The following MTAP variants were observed in gnomAD, a reference collection of about 807,000 sequenced individuals.
MTAP encodes S-methyl-5'-thioadenosine phosphorylase.
In MTAP, 33 loss-of-function variants were observed where a neutral mutation model predicts 33.6. The observed-to-expected ratio is 0.98, with a 90% CI of 0.74 to 1.31. The LOEUF (loss-of-function observed/expected upper bound fraction) is 1.31, where lower values mean the gene tolerates loss of function less well. Ranked by LOEUF, MTAP falls within the 40% of genes most tolerant of loss-of-function variation. MTAP has a pLI of 0.00. For missense variants in MTAP, 367 were observed against 360.0 expected, an observed-to-expected ratio of 1.02 and a Z score of -0.16; for synonymous variants, 148 against 125.7, an observed-to-expected ratio of 1.18 and a Z score of -1.19.
At chr9:21,887,832 G>A (rs1200265524) in intron 1 of MTAP, among the ~76,000 whole-genome samples, 5 of 152,138 alleles carry the variant, frequency 3.3e-5, no homozygotes, top group Admixed American at 3.3e-4. Context: ...TTTCCTTGTA[G>A]AGAGCTTTCA....
downstream of MTAP, among the ~76,000 whole-genome samples, chr9:21,868,697 T>C (rs1426513312): frequency 6.6e-6 from 1 of 152,210 alleles, no homozygotes; most frequent in Non-Finnish European, 1.5e-5. Flanking sequence ...CAGGTGACTT[T>C]AGTTCCCTCT....
At chr9:21,869,119 C>T (rs1825897593), downstream of MTAP, among the ~76,000 whole-genome samples, 1 of 152,154 alleles carries the variant, frequency 6.6e-6, no homozygotes, top group Non-Finnish European at 1.5e-5. Flanking sequence ...TACTTTATTT[C>T]TCCCATTAAA....
intron 1 of MTAP, among the ~76,000 whole-genome samples, chr9:21,890,519 T>A (rs1394393099): frequency 6.6e-6 from 1 of 152,158 alleles, no homozygotes; most frequent in African/African-American, 2.4e-5. Context: ...GGACGTTTTC[T>A]TCTCTCTGTG....
chr9:21,925,088 G>A (rs976858622), intron 1 of MTAP, among the ~76,000 whole-genome samples: 1 of 152,186 alleles, frequency 6.6e-6, no homozygotes, highest in Non-Finnish European at 1.5e-5. Flanking sequence ...AGCCCCAATT[G>A]GGATTACAAT....
chr9:21,853,781 T>C (rs998467911), intron 5 of MTAP, among the ~76,000 whole-genome samples: 6 of 152,224 alleles, frequency 3.9e-5, no homozygotes, highest in Admixed American at 6.5e-5. Context: ...TTATGCGATA[T>C]CATTATTCTC....
At chr9:21,844,362 C>G (rs964785468) in intron 5 of MTAP, among the ~76,000 whole-genome samples, 1 of 152,110 alleles carries the variant, frequency 6.6e-6, no homozygotes. Flanking sequence ...AGCAGGAATC[C>G]TTCCTAATTC....
intron 1 of MTAP, among the ~76,000 whole-genome samples, chr9:21,878,447 G>A (rs1826042163): frequency 6.6e-6 from 1 of 151,884 alleles, no homozygotes; most frequent in South Asian, 2.1e-4. Flanking sequence ...TGTAATTTTA[G>A]GTGGTTAATT....
At chr9:21,939,167 G>A (rs375474361), downstream of MTAP, among the ~76,000 whole-genome samples, 2 of 152,126 alleles carry the variant, frequency 1.3e-5, no homozygotes, top group South Asian at 2.1e-4. Context: ...CAGGTAAGAA[G>A]TGCCTTTCAG....
In MTAP at chr9:21,878,752, G is replaced by A. The variant is rs1197035451; in HGVS notation, c.147+23882G>A. Among the ~76,000 whole-genome samples the A allele has an allele frequency of 2.0e-5, 3 of 152,244 alleles. No individual in the cohort carries two copies. In the East Asian group the frequency reaches 5.8e-4, roughly 29 times the overall value. The stretch of plus-strand genomic sequence containing the variant: ...TGTGTTCCAGAAATTTTAGCAAGTT[G>A]TATCTCTGTTCTCATTAGTTTCAAG... On this transcript the variant is annotated intron_variant, in intron 1 of 1. Coordinates refer to the MTAP transcript ENST00000577563.
In MTAP at chr9:21,818,244, C is replaced by A. The variant is rs759035240; in HGVS notation, c.347+42C>A. 4.1e-6 allele frequency: 6 copies of A among 1,461,760 alleles called. No individual in the cohort carries two copies. In the South Asian group the frequency reaches 4.6e-5, roughly 11 times the overall value. 90.5% of individuals were successfully genotyped at this position (1,461,760 alleles called of 1,614,324 possible). On this transcript the variant is annotated intron_variant, in intron 4 of 7. Coordinates refer to ENST00000644715, the MANE Select transcript of MTAP (RefSeq NM_002451.4). ...AATGCTTTAGGCTATTGTAGCTGGT[C>A]ATTTTCAGCTCAAATGGACGACGCG...
chr9:21,803,256 ACT>A (rs1231285243), intron 1 of MTAP: 5 of 290,536 alleles, frequency 1.7e-5, no homozygotes, highest in South Asian at 3.1e-4. Context: ...CCGCTCTCTG[ACT>A]CTGCTTGTTG....
chr9:21,825,491 G>T (rs1824770862), intron 4 of MTAP, among the ~76,000 whole-genome samples: 1 of 152,096 alleles, frequency 6.6e-6, no homozygotes, highest in African/African-American at 2.4e-5. Flanking sequence ...GTATACAAGG[G>T]TTCTGTTTTT....
intron 1 of MTAP, among the ~76,000 whole-genome samples, chr9:21,813,349 C>G: frequency 6.6e-6 from 1 of 152,168 alleles, no homozygotes; most frequent in Non-Finnish European, 1.5e-5. Context: ...GAGCAGTAGC[C>G]ACTCTTGCTT....
At chr9:21,818,268 C>T (rs908090974) in intron 4 of MTAP, 66 bp downstream of exon 4, 7 of 1,254,926 alleles carry the variant, frequency 5.6e-6, no homozygotes, top group African/African-American at 4.8e-5. Flanking sequence ...ATGGACGACG[C>T]GTGGGAACCG....
chr9:21,859,076 C>T, intron 6 of MTAP: 1 of 414,546 alleles, frequency 2.4e-6, no homozygotes, highest in Non-Finnish European at 4.2e-6. Flanking sequence ...ACTGGGGCCT[C>T]TTTTGTAAGA....
chr9:21,905,666 G>GGAACTGAAAAACAGCACTAAGAGA (rs1818465416), intron 1 of MTAP, among the ~76,000 whole-genome samples: 5 of 152,186 alleles, frequency 3.3e-5, no homozygotes, highest in Non-Finnish European at 7.4e-5. Context: ...AAAACAAGAG[G>GGAACTGAAAAACAGCACTAAGAGA]GAACTGAAAA....
chr9:21,892,434 A>G (rs907274870), intron 1 of MTAP: 4 of 152,190 alleles, frequency 2.6e-5, no homozygotes, highest in Non-Finnish European at 5.9e-5. Context: ...AAAATCTACC[A>G]AGCAAAGGAA....
chr9:21,826,787 A>T (rs1231649986), intron 4 of MTAP, among the ~76,000 whole-genome samples: 1 of 152,026 alleles, frequency 6.6e-6, no homozygotes, highest in Non-Finnish European at 1.5e-5. Flanking sequence ...TAGGTCAGGG[A>T]TCCCCCACCC....
chr9:21,825,287 T>A (rs1354416960), intron 4 of MTAP, among the ~76,000 whole-genome samples: 25 of 152,146 alleles, frequency 1.6e-4, no homozygotes, highest in Non-Finnish European at 1.5e-5. Context: ...TTGATGGACG[T>A]TTATGTTGCT....
Sources: allele counts gnomAD v4.1 joint callset (sites outside exome capture counted in the v4.1 genomes callset), GRCh38; gene constraint gnomAD v4.1.1; transcripts MANE v1.5; gene names NCBI Gene and HGNC (gene_info 2026-07-23, HGNC 2026-07-21).